The following PARVB variants were observed in gnomAD, a reference collection of about 807,000 sequenced individuals.
PARVB encodes the protein parvin beta.
Under a neutral mutation model 47.0 loss-of-function variants are expected in PARVB, and 46 were observed. That is an observed-to-expected ratio of 0.98 (90% CI 0.77 to 1.25). The LOEUF (loss-of-function observed/expected upper bound fraction) is 1.25, where lower values mean the gene tolerates loss of function less well. Ranked by LOEUF, PARVB falls within the 50% of genes most tolerant of loss-of-function variation. PARVB has a pLI of 0.00. For synonymous variants in PARVB, 196 were observed against 196.3 expected, an observed-to-expected ratio of 1.00 and a Z score of 0.01; for missense variants, 473 against 471.6, an observed-to-expected ratio of 1.00 and a Z score of -0.03.
chr22:44,056,326 G>A (rs2051311213), intron 1 of PARVB, among the ~76,000 whole-genome samples: 3 of 152,316 alleles, frequency 2.0e-5, no homozygotes, highest in Middle Eastern at 3.4e-3. Flanking sequence ...TCCTCCTGCT[G>A]AGTTTTAATT....
intron 7 of PARVB, chr22:44,139,826 T>C: frequency 2.4e-6 from 1 of 413,940 alleles, no homozygotes; most frequent in Non-Finnish European, 4.4e-6. Flanking sequence ...ACCACTCTTC[T>C]GATTTAAGTA....
chr22:44,072,648 GC>G (rs1460554495), intron 1 of PARVB, among the ~76,000 whole-genome samples: 1 of 152,052 alleles, frequency 6.6e-6, no homozygotes, highest in East Asian at 1.9e-4. Context: ...CACCATGTTG[GC>G]CAGACTTGTC....
rs188657945 is a variant in PARVB, at chr22:44,057,642, G to A, written c.112+33191G>A. On this transcript the variant is annotated intron_variant, in intron 1 of 12. Coordinates refer to ENST00000338758, the MANE Select transcript of PARVB (RefSeq NM_013327.5). ...AGCAGGAGGCCCACTTGCAGTTCAC[G>A]GTTTGTCTTGCCAGATGTGCAGGGG... Among the ~76,000 whole-genome samples the A allele has an allele frequency of 1.6e-3, 249 of 152,186 alleles. 1 individual carries two copies. The highest frequency in any genetic ancestry group is 5.6e-3 in the African/African-American group (234 of 41,512).
intron 1 of PARVB, among the ~76,000 whole-genome samples, chr22:44,082,678 G>C (rs2051933271): frequency 6.6e-6 from 1 of 152,118 alleles, no homozygotes; most frequent in Non-Finnish European, 1.5e-5. Flanking sequence ...CGCCCAGGTG[G>C]GTTAGACGGC....
intron 1 of PARVB, among the ~76,000 whole-genome samples, chr22:44,050,400 A>G (rs559873084): frequency 3.8e-4 from 57 of 150,488 alleles, no homozygotes; most frequent in African/African-American, 1.3e-3. Context: ...CTGGAGTGCA[A>G]TGGCGCCATC....
chr22:44,083,344 T>TAA (rs1569099571), intron 1 of PARVB, among the ~76,000 whole-genome samples: 1 of 152,228 alleles, frequency 6.6e-6, no homozygotes, highest in African/African-American at 2.4e-5. Context: ...CAGTTATCCA[T>TAA]GTGCTGGGTT....
At chr22:44,093,904 T>G (rs773006618) in intron 1 of PARVB, 24 bp from the exon 2 acceptor site, 1 of 1,573,244 alleles carries the variant, frequency 6.4e-7, no homozygotes, top group Non-Finnish European at 8.7e-7. Flanking sequence ...ACTAACCTGG[T>G]TTTTCTTTCC....
chr22:44,092,725 G>T (rs2052200814), intron 1 of PARVB, among the ~76,000 whole-genome samples: 1 of 152,200 alleles, frequency 6.6e-6, no homozygotes, highest in Non-Finnish European at 1.5e-5. Context: ...GGAGAAATAG[G>T]TGCAGAGAGG....
At chr22:44,100,994 G>A (rs575986333) in intron 3 of PARVB, among the ~76,000 whole-genome samples, 50 of 152,336 alleles carry the variant, frequency 3.3e-4, no homozygotes, top group African/African-American at 1.2e-3. Context: ...TATTAAAAGT[G>A]CTTTTTAAAA....
At chr22:44,127,810 G>C (rs1455828462) in intron 4 of PARVB, among the ~76,000 whole-genome samples, 1 of 113,564 alleles carries the variant, frequency 8.8e-6, no homozygotes, top group East Asian at 2.9e-4. Flanking sequence ...TCTTGAGATA[G>C]TGTCTCACTC....
At chr22:44,029,308 G>T (rs1255074611) in intron 1 of PARVB, among the ~76,000 whole-genome samples, 1 of 152,114 alleles carries the variant, frequency 6.6e-6, no homozygotes, top group African/African-American at 2.4e-5. Context: ...AAATCTGCTT[G>T]TTTGTTTCCT....
At chr22:44,101,868 G>A (rs2052455722) in intron 3 of PARVB, among the ~76,000 whole-genome samples, 1 of 151,748 alleles carries the variant, frequency 6.6e-6, no homozygotes, top group Non-Finnish European at 1.5e-5. Context: ...TACCCACTTT[G>A]TTATTTCAAA....
intron 2 of PARVB, among the ~76,000 whole-genome samples, chr22:44,016,628 T>C (rs1211642624): frequency 6.6e-6 from 1 of 152,340 alleles, no homozygotes; most frequent in East Asian, 1.9e-4. Flanking sequence ...TAAATAATTT[T>C]GTGCGTGAAA....
At chr22:44,011,155 A>G (rs2050518886) in intron 2 of PARVB, among the ~76,000 whole-genome samples, 1 of 151,936 alleles carries the variant, frequency 6.6e-6, no homozygotes, top group African/African-American at 2.4e-5. Flanking sequence ...AATATTTTTC[A>G]TAGAGATGGA....
At chr22:44,106,153 T>G (rs976339045) in intron 3 of PARVB, 7 of 148,198 alleles carry the variant, frequency 4.7e-5, no homozygotes, top group African/African-American at 1.5e-4. Context: ...TTTTTTTTTT[T>G]TTTTTTTTTT....
At chr22:44,058,820 G>C (rs1266452732) in intron 1 of PARVB, among the ~76,000 whole-genome samples, 1 of 152,048 alleles carries the variant, frequency 6.6e-6, no homozygotes, top group Non-Finnish European at 1.5e-5. Context: ...CTCCCAAAGT[G>C]CTGGGATTAC....
chr22:44,015,482 G>A (rs146723210), intron 2 of PARVB, among the ~76,000 whole-genome samples: 1,730 of 152,216 alleles, frequency 0.011, 10 homozygotes, highest in Middle Eastern at 0.027. Flanking sequence ...ATAAAGAAAC[G>A]AACAACATGA....
At chr22:44,082,375 T>C (rs1033872467) in intron 1 of PARVB, among the ~76,000 whole-genome samples, 24 of 152,074 alleles carry the variant, frequency 1.6e-4, no homozygotes, top group Middle Eastern at 3.4e-3. Flanking sequence ...AAAAATTAGC[T>C]GGGTGTGGTG....
chr22:44,021,757 ACT>A (rs201941215), upstream of PARVB, among the ~76,000 whole-genome samples: 770 of 64,994 alleles, frequency 0.012, 19 homozygotes, highest in Middle Eastern at 0.033. Context: ...TAAAGTCTAG[ACT>A]CACACACACA....
Sources: allele counts gnomAD v4.1 joint callset (sites outside exome capture counted in the v4.1 genomes callset), GRCh38; gene constraint gnomAD v4.1.1; transcripts MANE v1.5; gene names NCBI Gene and HGNC (gene_info 2026-07-23, HGNC 2026-07-21).